Variants in SEMA4A observed in about 807,000 individuals in gnomAD.
SEMA4A encodes semaphorin 4A.
A neutral mutation model predicts 72.5 loss-of-function variants in SEMA4A; 52 were observed. The observed-to-expected ratio is 0.72, with a 90% CI of 0.57 to 0.90. The LOEUF (loss-of-function observed/expected upper bound fraction) is 0.90. Ranked by LOEUF, SEMA4A falls within the 40% of genes least tolerant of loss-of-function variation. The probability of loss-of-function intolerance (pLI) is 0.00; values close to 1 mark genes in which losing one functional copy is unlikely to be tolerated. For missense variants in SEMA4A, 926 were observed against 959.7 expected, an observed-to-expected ratio of 0.96 and a Z score of 0.46; for synonymous variants, 369 against 393.1, an observed-to-expected ratio of 0.94 and a Z score of 0.73.
chr1:156,160,604 A>T, intron 7 of SEMA4A, 45 bp downstream of exon 7: 1 of 1,516,358 alleles, frequency 6.6e-7, no homozygotes, highest in Non-Finnish European at 9.2e-7. Context: ...AGTCCTGGTG[A>T]CCTTGCTAAT....
At chr1:156,147,608 G>A (rs977961484), upstream of SEMA4A, among the ~76,000 whole-genome samples, 4 of 151,908 alleles carry the variant, frequency 2.6e-5, no homozygotes, top group African/African-American at 9.7e-5. Context: ...GGATCTTGAG[G>A]GGCATATCCT....
At chr1:156,149,263 C>T (rs1277515665), upstream of SEMA4A, among the ~76,000 whole-genome samples, 1 of 152,212 alleles carries the variant, frequency 6.6e-6, no homozygotes, top group African/African-American at 2.4e-5. Flanking sequence ...CTGTGCTCCT[C>T]CCCGAATGGG....
rs1252540252 is a variant in SEMA4A, at chr1:156,175,070, T to C, written c.1435-16T>C. On this transcript the variant is annotated splice_polypyrimidine_tract_variant and intron_variant, in intron 12 of 14. Transcript: ENST00000368285. ...ATGTGGCTGGGGCTCCCTGACAATC[T>C]CCATCTCTCTTCCAGGGTGCAGTGT... is the stretch of plus-strand genomic sequence containing the variant. 6.2e-7 allele frequency: 1 copy of C among 1,614,020 alleles called. No homozygotes were observed. The highest frequency in any genetic ancestry group is 8.5e-7 in the Non-Finnish European group (1 of 1,180,012).
chr1:156,156,206 C>G, intron 2 of SEMA4A: 1 of 602,320 alleles, frequency 1.7e-6, no homozygotes, highest in Non-Finnish European at 3.1e-6. Context: ...CTCTGGCTGC[C>G]TCTCCTCTCT....
intron 6 of SEMA4A, chr1:156,159,105 G>A (rs904448419): frequency 4.5e-6 from 2 of 445,426 alleles, no homozygotes; most frequent in African/African-American, 4.0e-5. Context: ...AGGCTGAGGT[G>A]GGTGGATCAT....
At position 156,161,046 on chromosome 1, in the gene SEMA4A, G is replaced by C. The variant is rs752299868; in HGVS notation, c.810+17G>C. Reference sequence around the variant, plus strand: ...GTCTGCAAGGTCCGCGGCCTGGGCGGGGGGCGGGGCTAACTGGAGGAGAAC... The same window carrying C: ...GTCTGCAAGGTCCGCGGCCTGGGCGCGGGGCGGGGCTAACTGGAGGAGAAC... On this transcript the variant is annotated intron_variant, in intron 8 of 14. Transcript: ENST00000368285. 4.3e-6 allele frequency: 6 copies of C among 1,411,210 alleles called. No individual in the cohort carries two copies. Among genetic ancestry groups the C allele is most frequent in the African/African-American group, 1.4e-5 (1 of 69,882 alleles). 87.4% of individuals were successfully genotyped at this position (1,411,210 alleles called of 1,614,324 possible).
At position 156,176,385 on chromosome 1, in the gene SEMA4A, C is replaced by A; in HGVS notation, c.1694-20C>A. The A allele has an allele frequency of 6.4e-7, 1 of 1,572,168 alleles. No individual in the cohort carries two copies. Among genetic ancestry groups the A allele is most frequent in the Non-Finnish European group, 8.8e-7 (1 of 1,142,278 alleles). On this transcript the variant is annotated intron_variant, in intron 14 of 14. Transcript: ENST00000368285. ...CTTCACTTCTCCCTTAACCCTTTTG[C>A]TCCTTTCTTTCTCCTACAGTTAAAG...
intron 10 of SEMA4A, 170 bp downstream of exon 10, chr1:156,163,264 G>C: frequency 1.4e-6 from 1 of 720,558 alleles, no homozygotes. Context: ...CATGTGCCTA[G>C]CACCCTTTTA....
rs866881980 is a variant in SEMA4A at position 156,172,958 on chromosome 1, G to A, written c.1267G>A (p.Ala423Thr). 1 of 1,614,184 alleles carries A rather than the reference G, an allele frequency of 6.2e-7. No homozygotes were observed. The highest frequency in any genetic ancestry group is 8.5e-7 in the Non-Finnish European group (1 of 1,179,996). ...VEYTRLAVET[A>T]QGLDGHSHLV... ...GTATACACGGCTTGCAGTGGAGACA[G>A]CCCAGGGCCTTGATGGGCACAGCCA... is the stretch of plus-strand genomic sequence containing the variant. Residue 423 changes from alanine (A) to threonine (T), a missense_variant, in exon 11 of 15, where the codon GCC becomes ACC. Coordinates refer to ENST00000368285, the MANE Select transcript of SEMA4A (RefSeq NM_022367.4).
chr1:156,168,851 T>C (rs1654433233), intron 10 of SEMA4A, among the ~76,000 whole-genome samples: 5 of 152,188 alleles, frequency 3.3e-5, no homozygotes, highest in Admixed American at 3.3e-4. Flanking sequence ...CCTCTTCTAG[T>C]CTTCTGTGCA....
At position 156,170,190 on chromosome 1, in the gene SEMA4A, G is replaced by A. The variant is rs534959620; in HGVS notation, c.1135-2636G>A. The stretch of plus-strand genomic sequence containing the variant: ...AATAAAAAATTAGCTGGGTCCAGGC[G>A]TGGTGGCTCATGCCAGTAATCCCAG... On this transcript the variant is annotated intron_variant, in intron 10 of 14. Transcript: ENST00000368285. Among the ~76,000 whole-genome samples the A allele has an allele frequency of 1.2e-4, 19 of 152,144 alleles. No homozygotes were observed. The East Asian group carries it at 1.4e-3, about 11-fold the overall frequency.
In SEMA4A at chr1:156,158,074, C is replaced by G. The variant is rs143382589; in HGVS notation, c.305C>G (p.Pro102Arg). 5.0e-6 allele frequency: 8 copies of G among 1,614,018 alleles called. No individual in the cohort carries two copies. The highest frequency in any genetic ancestry group is 6.8e-6 in the Non-Finnish European group (8 of 1,179,996). The change falls in exon 4 of 15, where the codon CCG (proline) becomes CGG (arginine). Residue 102 changes from proline to arginine, a missense_variant. Physicochemically the swap from Pro to Arg is moderately radical, Grantham distance 103 (BLOSUM62 -2). Coordinates refer to ENST00000368285, the MANE Select transcript of SEMA4A (RefSeq NM_022367.4). Reference sequence around the variant, plus strand: ...CTCCCAACTCCCCACTTTCAGATACCGTGGCCAGCCAGTGACAGAAAAAAG... The same window carrying G: ...CTCCCAACTCCCCACTTTCAGATACGGTGGCCAGCCAGTGACAGAAAAAAG... ...PGVPRLKNMI[P>R]WPASDRKKSE...
At chr1:156,163,383 C>G (rs902490036) in intron 10 of SEMA4A, 1 of 422,876 alleles carries the variant, frequency 2.4e-6, no homozygotes. Context: ...GTGCCAAGGA[C>G]TGTCTTGGGC....
intron 10 of SEMA4A, 144 bp downstream of exon 10, chr1:156,163,238 A>AG: frequency 1.1e-6 from 1 of 886,566 alleles, no homozygotes; most frequent in South Asian, 1.5e-5. Flanking sequence ...CACCTGGTAT[A>AG]GCTGCCTATA....
chr1:156,172,833 TG>T lies in SEMA4A; in HGVS notation c.1145del (p.Gly382AlafsTer8). 7 of 1,614,134 alleles carry T rather than the reference TG, an allele frequency of 4.3e-6. No homozygotes were observed. Among genetic ancestry groups the T allele is most frequent in the Non-Finnish European group, 5.9e-6 (7 of 1,179,992 alleles). ...GCCTCCCTCCTCCTTTAGTGCTCAGTGGGCCCCTCCTCTGATAAGGCCCTGA... is the reference window on the plus strand; with the variant it reads ...GCCTCCCTCCTCCTTTAGTGCTCAGTGGCCCCTCCTCTGATAAGGCCCTGA... ...ETNPRPGSCS[V>X]GPSSDKALTF... On this transcript the variant is annotated frameshift_variant, in exon 11 of 15. Coordinates refer to ENST00000368285, the MANE Select transcript of SEMA4A (RefSeq NM_022367.4). LOFTEE classifies it high-confidence loss of function.
chr1:156,172,113 TTTA>T (rs1654853472), intron 10 of SEMA4A, among the ~76,000 whole-genome samples: 2 of 146,530 alleles, frequency 1.4e-5, no homozygotes, highest in Non-Finnish European at 3.0e-5. Flanking sequence ...TATTTATTTA[TTTA>T]TTTATTTATT....
At chr1:156,170,749 G>A (rs938822101) in intron 10 of SEMA4A, among the ~76,000 whole-genome samples, 8 of 142,336 alleles carry the variant, frequency 5.6e-5, no homozygotes, top group East Asian at 4.1e-4. Context: ...GTGAGACTCC[G>A]TCTCAAAAAA....
chr1:156,154,669 GC>G lies in SEMA4A; in HGVS notation c.92del (p.Ala31GlyfsTer39). The G allele has an allele frequency of 6.3e-7, 1 of 1,598,558 alleles. No individual in the cohort carries two copies. ...TCAGCTGCTGCTGCCGACGACGACC[GC>G]GGGGGGAGGCGGGCAGGGGCCCATG... ...LLQLLLPTTT[A>X]GGGGQGPMPR... On this transcript the variant is annotated frameshift_variant, in exon 2 of 15. Transcript: ENST00000368285. LOFTEE classifies it high-confidence loss of function.
At chr1:156,154,313 A>G in intron 1 of SEMA4A, 2 of 557,604 alleles carry the variant, frequency 3.6e-6, no homozygotes, top group Non-Finnish European at 6.5e-6. Context: ...GAAGCAGGAT[A>G]GGGGAGACCT....
Sources: allele counts gnomAD v4.1 joint callset (sites outside exome capture counted in the v4.1 genomes callset), GRCh38; gene constraint gnomAD v4.1.1; transcripts MANE v1.5; gene names NCBI Gene and HGNC (gene_info 2026-07-23, HGNC 2026-07-21).